The following F13A1 variants were observed in gnomAD, a reference collection of about 807,000 sequenced individuals.
The protein encoded by F13A1 is coagulation factor XIII A chain, also known as FSF, A subunit.
A neutral mutation model predicts 80.1 loss-of-function variants in F13A1; 47 were observed. The observed-to-expected ratio is 0.59, with a 90% CI of 0.46 to 0.75. The LOEUF (loss-of-function observed/expected upper bound fraction) is 0.75. Among genes scored for constraint, F13A1 ranks in the 30% least tolerant of loss-of-function variants. The pLI is 0.00. For synonymous variants in F13A1, 349 were observed against 344.9 expected (o/e 1.01, Z -0.13); for missense variants, 817 against 930.4 (o/e 0.88, Z 1.59).
At chr6:6,290,300 T>A (rs1417839745) in intron 3 of F13A1, among the ~76,000 whole-genome samples, 1 of 152,218 alleles carries the variant, frequency 6.6e-6, no homozygotes, top group Non-Finnish European at 1.5e-5. Context: ...AAAAAATGGA[T>A]ATAAAGTTAT....
At chr6:6,147,087 A>T (rs115840761) in intron 14 of F13A1, among the ~76,000 whole-genome samples, 20,860 of 152,278 alleles carry the variant, frequency 0.14, 1,572 homozygotes, top group Middle Eastern at 0.17. Context: ...TCTCACTCAT[A>T]AGCTGGAGCT....
At chr6:6,311,195 T>C (rs568405584) in intron 2 of F13A1, among the ~76,000 whole-genome samples, 1 of 152,348 alleles carries the variant, frequency 6.6e-6, no homozygotes, top group South Asian at 2.1e-4. Context: ...ACAGCAAATA[T>C]GCCTCCTTTC....
intron 6 of F13A1, among the ~76,000 whole-genome samples, chr6:6,235,261 C>G (rs932315721): frequency 3.3e-5 from 5 of 151,772 alleles, no homozygotes; most frequent in African/African-American, 7.3e-5. Flanking sequence ...AAAGCATGAT[C>G]CATAAAAAAA....
At position 6,315,538 on chromosome 6, in the gene F13A1, A is replaced by C. The variant is rs571654196; in HGVS notation, c.130+2997T>G. ...ATTTTACCAAAATAATTCTTAACCAAATGTTACCAAAGCCATGACTTAAGG... is the reference window on the plus strand; with the variant it reads ...ATTTTACCAAAATAATTCTTAACCACATGTTACCAAAGCCATGACTTAAGG... On this transcript the variant is annotated intron_variant, in intron 2 of 14. Coordinates refer to ENST00000264870, the MANE Select transcript of F13A1 (RefSeq NM_000129.4). 3.3e-5 allele frequency among the ~76,000 whole-genome samples: 5 copies of C among 152,270 alleles called. No homozygotes were observed. The South Asian group carries it at 8.3e-4, about 25-fold the overall frequency.
intron 14 of F13A1, among the ~76,000 whole-genome samples, chr6:6,147,194 T>C (rs944217552): frequency 2.0e-5 from 3 of 152,100 alleles, no homozygotes; most frequent in Non-Finnish European, 4.4e-5. Context: ...TACAAAATGG[T>C]TACAGTATAT....
intron 3 of F13A1, 161 bp downstream of exon 3, chr6:6,305,190 G>C (rs900535591): frequency 2.5e-6 from 2 of 811,192 alleles, no homozygotes; most frequent in African/African-American, 3.4e-5. Context: ...GCACTATACA[G>C]ACCAGTCTTA....
At chr6:6,194,748 C>CA (rs892257706) in intron 10 of F13A1, among the ~76,000 whole-genome samples, 1 of 152,086 alleles carries the variant, frequency 6.6e-6, no homozygotes, top group African/African-American at 2.4e-5. Flanking sequence ...CCTTAGAATT[C>CA]CCCCCAGTAC....
chr6:6,163,722 CATTT>C (rs1297060489), intron 13 of F13A1, among the ~76,000 whole-genome samples: 1 of 152,130 alleles, frequency 6.6e-6, no homozygotes, highest in Non-Finnish European at 1.5e-5. Flanking sequence ...CATTGATGGG[CATTT>C]AGGTTGATTC....
At chr6:6,202,745 A>G (rs1761420859) in intron 8 of F13A1, among the ~76,000 whole-genome samples, 1 of 152,232 alleles carries the variant, frequency 6.6e-6, no homozygotes, top group Non-Finnish European at 1.5e-5. Flanking sequence ...GGAGATGACA[A>G]GTGAAGAACA....
intron 10 of F13A1, among the ~76,000 whole-genome samples, chr6:6,184,953 G>T (rs1761052328): frequency 1.3e-5 from 2 of 152,128 alleles, no homozygotes; most frequent in Admixed American, 6.5e-5. Flanking sequence ...TAGTGGAATG[G>T]TTCTCTATTC....
At chr6:6,185,205 G>A (rs986790611) in intron 10 of F13A1, among the ~76,000 whole-genome samples, 1 of 150,044 alleles carries the variant, frequency 6.7e-6, no homozygotes, top group Non-Finnish European at 1.5e-5. Context: ...ATGTATACAT[G>A]TGCCATGCTG....
intron 3 of F13A1, among the ~76,000 whole-genome samples, chr6:6,297,309 T>G (rs1289516397): frequency 6.6e-6 from 1 of 152,106 alleles, no homozygotes; most frequent in East Asian, 1.9e-4. Flanking sequence ...TTGGAATAGT[T>G]TCAGAAGGAA....
At chr6:6,152,110 C>G (rs982438801) in intron 13 of F13A1, among the ~76,000 whole-genome samples, 161 bp from the exon 14 acceptor site, 1 of 152,094 alleles carries the variant, frequency 6.6e-6, no homozygotes. Flanking sequence ...CTGGAGGATA[C>G]CTATTGAGAA....
chr6:6,213,645 A>T (rs1300341764), intron 8 of F13A1, among the ~76,000 whole-genome samples: 3 of 149,556 alleles, frequency 2.0e-5, no homozygotes, highest in Non-Finnish European at 4.5e-5. Context: ...ACCAGCTAAC[A>T]TCATAATGAC....
At chr6:6,176,984 T>C (rs139499263) in intron 11 of F13A1, among the ~76,000 whole-genome samples, 2 of 152,338 alleles carry the variant, frequency 1.3e-5, no homozygotes, top group East Asian at 3.9e-4. Flanking sequence ...AGGCTGGGGC[T>C]GTTCCAGGAA....
At chr6:6,319,338 T>C (rs1758735456) in intron 1 of F13A1, among the ~76,000 whole-genome samples, 1 of 152,212 alleles carries the variant, frequency 6.6e-6, no homozygotes, top group African/African-American at 2.4e-5. Context: ...AGGTAGGAAC[T>C]GCTTTGGAAA....
chr6:6,267,492 A>G (rs768466993), intron 3 of F13A1, among the ~76,000 whole-genome samples: 15 of 152,096 alleles, frequency 9.9e-5, no homozygotes, highest in Non-Finnish European at 2.1e-4. Flanking sequence ...TGCATACTCA[A>G]TCTTGGGATG....
chr6:6,248,748 T>C (rs763616604), intron 5 of F13A1, among the ~76,000 whole-genome samples: 3 of 152,230 alleles, frequency 2.0e-5, no homozygotes, highest in African/African-American at 4.8e-5. Flanking sequence ...TATTGGCTCC[T>C]GTACCCAAGA....
intron 10 of F13A1, among the ~76,000 whole-genome samples, chr6:6,183,902 G>A (rs1042769625): frequency 8.5e-5 from 13 of 152,162 alleles, no homozygotes; most frequent in African/African-American, 3.1e-4. Context: ...TTAGGCCAGA[G>A]TGAGATAAGA....
Sources: gnomAD v4.1 joint callset for allele counts (sites outside exome capture counted in the v4.1 genomes callset) on GRCh38, gnomAD v4.1.1 for gene constraint, MANE v1.5 for transcripts, NCBI Gene and HGNC (gene_info 2026-07-23, HGNC 2026-07-21) for gene names.